F11R: variants seen among roughly 807,000 people sequenced by gnomAD.
F11R encodes junctional adhesion molecule A.
Under a neutral mutation model 39.3 loss-of-function variants are expected in F11R, and 27 were observed. The observed-to-expected ratio is 0.69, with a 90% CI of 0.51 to 0.95. The LOEUF is 0.95. Among genes scored for constraint, F11R ranks in the 40% least tolerant of loss-of-function variants. F11R has a pLI of 0.00. For synonymous variants in F11R, 131 were observed against 144.9 expected, an observed-to-expected ratio of 0.90 and a Z score of 0.69; for missense variants, 335 against 372.7, an observed-to-expected ratio of 0.90 and a Z score of 0.83.
chr1:161,008,783 CACTAT>C (rs1389729479), intron 1 of F11R, among the ~76,000 whole-genome samples: 2 of 152,182 alleles, frequency 1.3e-5, no homozygotes. Flanking sequence ...TACAATGCTA[CACTAT>C]ACTATACAGC....
At chr1:161,000,840 A>AG in intron 3 of F11R, 63 bp from the exon 4 acceptor site, 1 of 1,599,468 alleles carries the variant, frequency 6.3e-7, no homozygotes, top group South Asian at 1.1e-5. Flanking sequence ...AGGCTGATGA[A>AG]GGGGGCATCC....
Position 161,021,024 on chromosome 1 carries a change from A to C in F11R, c.50T>G (p.Leu17Trp). The C allele has an allele frequency of 1.2e-6, 2 of 1,614,154 alleles. No individual in the cohort carries two copies. The highest frequency in any genetic ancestry group is 2.2e-5 in the South Asian group (2 of 91,086). ...TGGGAACTTACACAACAGGATCGCC[A>C]ATATGAAGAGGCACAACAGTTTCCT... ...VERKLLCLFILAILLCSLALG... is the reference protein window; with the variant it reads ...VERKLLCLFIWAILLCSLALG... Residue 17 changes from leucine to tryptophan, a missense_variant, in exon 1 of 10, where the codon TTG becomes TGG. Leu to Trp is a moderately conservative substitution (Grantham distance 61). Transcript: ENST00000368026.
chr1:161,005,054 G>A (rs1451697193), intron 1 of F11R, among the ~76,000 whole-genome samples: 5 of 151,366 alleles, frequency 3.3e-5, no homozygotes, highest in South Asian at 4.2e-4. Context: ...CCAGCTACTC[G>A]GGAGGCTGAG....
chr1:160,999,677 A>G lies in F11R; in HGVS notation c.765T>C (p.Phe255=), dbSNP rs752908568. ...CTCGGCTATAGGCAAACCAGATGCC[A>G]AAAACCAAGATTCCCAGGAGAATCA... ...VTLILLGILV[F]GIWFAYSRGH... is the part of the protein sequence containing the mutation. Residue 255 remains phenylalanine (F), a synonymous_variant, in exon 7 of 10, where the codon TTT becomes TTC. Coordinates refer to ENST00000368026, the MANE Select transcript of F11R (RefSeq NM_016946.6). 1 of 1,614,110 alleles carries G rather than the reference A, an allele frequency of 6.2e-7. No individual in the cohort carries two copies. Among genetic ancestry groups the G allele is most frequent in the South Asian group, 1.1e-5 (1 of 91,066 alleles).
chr1:161,001,985 G>A (rs1264192087), intron 1 of F11R, among the ~76,000 whole-genome samples: 1 of 152,254 alleles, frequency 6.6e-6, no homozygotes, highest in East Asian at 1.9e-4. Context: ...CACAGCTGGG[G>A]CCAGGTGCGG....
intron 1 of F11R, among the ~76,000 whole-genome samples, chr1:161,010,422 T>G: frequency 9.3e-6 from 1 of 107,746 alleles, no homozygotes; most frequent in East Asian, 2.9e-4. Flanking sequence ...CCAGCCTGGG[T>G]GACAGAGCGA....
At position 161,000,345 on chromosome 1, in the gene F11R, G is replaced by A. The variant is rs775610398; in HGVS notation, c.392C>T (p.Pro131Leu). 1.9e-6 allele frequency: 3 copies of A among 1,613,678 alleles called. No individual in the cohort carries two copies. The South Asian group carries it at 3.3e-5, about 18-fold the overall frequency. ...GATGTTAACTGTAGGCTTGGATGGAGGCACTGTGGAAGAGAAAGACAGAAG... is the reference window on the plus strand; with the variant it reads ...GATGTTAACTGTAGGCTTGGATGGAAGCACTGTGGAAGAGAAAGACAGAAG... ...EVKVKLIVLV[P>L]PSKPTVNIPS... The change falls in exon 5 of 10, where the codon CCT becomes CTT. Residue 131 changes from proline (P) to leucine (L), a missense_variant. By Grantham distance (98) the Pro-to-Leu change is moderately conservative. Transcript: ENST00000368026.
chr1:161,005,064 G>A (rs1310105890), intron 1 of F11R, among the ~76,000 whole-genome samples: 1 of 151,390 alleles, frequency 6.6e-6, no homozygotes, highest in Admixed American at 6.6e-5. Context: ...GGGAGGCTGA[G>A]GCAGGAGAAT....
At chr1:161,018,540 C>T (rs1301473661) in intron 1 of F11R, among the ~76,000 whole-genome samples, 1 of 152,158 alleles carries the variant, frequency 6.6e-6, no homozygotes, top group Non-Finnish European at 1.5e-5. Context: ...AAAAATAATC[C>T]CTTCATGTAT....
intron 1 of F11R, among the ~76,000 whole-genome samples, chr1:161,013,822 C>T (rs1649300914): frequency 6.6e-6 from 1 of 152,142 alleles, no homozygotes; most frequent in Non-Finnish European, 1.5e-5. Context: ...ATTTCCGGTT[C>T]TACCTGCTCA....
chr1:160,996,299 T>G lies in F11R; in HGVS notation c.*2572A>C, dbSNP rs955920646. ...AAAGGTCCATTGTAAGCTAGAGAAG[T>G]AAATTCCAAGGCTGGCAATAACTGA... is the stretch of plus-strand genomic sequence containing the variant. On this transcript the variant is annotated 3_prime_UTR_variant, in exon 10 of 10. Coordinates refer to ENST00000368026, the MANE Select transcript of F11R (RefSeq NM_016946.6). 2 of 152,296 alleles carry G rather than the reference T, an allele frequency of 1.3e-5. No individual in the cohort carries two copies. The highest frequency in any genetic ancestry group is 4.8e-5 in the African/African-American group (2 of 41,426). The allele number at this position is 152,296 out of a possible 1,614,324, so 9.4% of individuals were successfully genotyped here. A position where few individuals can be genotyped will look rare whatever the true frequency, so the allele number is the denominator to read the frequency against.
intron 1 of F11R, among the ~76,000 whole-genome samples, chr1:161,007,760 AC>A (rs1311858051): frequency 6.6e-6 from 1 of 152,212 alleles, no homozygotes; most frequent in African/African-American, 2.4e-5. Flanking sequence ...GTTTTCTTCA[AC>A]AAGACATATA....
At chr1:161,000,911 C>A (rs1209602847) in intron 3 of F11R, 109 bp downstream of exon 3, 6 of 1,468,722 alleles carry the variant, frequency 4.1e-6, no homozygotes, top group Non-Finnish European at 5.7e-6. Context: ...ATGAGGACTT[C>A]AGCCCCAGGG....
chr1:160,999,769 T>C (rs1313049638), intron 6 of F11R, 22 bp from the exon 7 acceptor site: 1 of 1,612,658 alleles, frequency 6.2e-7, no homozygotes, highest in Non-Finnish European at 8.5e-7. Flanking sequence ...AAATAAGAAG[T>C]CAGGCACGGG....
chr1:161,007,472 G>GAA (rs80350610), intron 1 of F11R, among the ~76,000 whole-genome samples: 2 of 120,090 alleles, frequency 1.7e-5, no homozygotes, highest in Admixed American at 8.4e-5. Flanking sequence ...TCTCAGAAAA[G>GAA]AAAAAAAAAA....
In F11R at chr1:161,015,591, A is replaced by C. The variant is rs1571022221; in HGVS notation, c.64+5419T>G. Among the ~76,000 whole-genome samples, 5 of 21,846 alleles carry C rather than the reference A, an allele frequency of 2.3e-4. No individual in the cohort carries two copies. In the South Asian group the frequency reaches 5.3e-3, roughly 23 times the overall value. 14.3% of individuals were successfully genotyped at this position (21,846 alleles called of 152,430 possible). On this transcript the variant is annotated intron_variant, in intron 1 of 9. Transcript: ENST00000368026. ...GGGCAACACAGCAAGACTTTGTCTC[A>C]AAAAAAAAAAAAAAGGCTGCAGTGA... is the stretch of plus-strand genomic sequence containing the variant.
chr1:161,013,716 G>A (rs1207105322), intron 1 of F11R, among the ~76,000 whole-genome samples: 1 of 152,230 alleles, frequency 6.6e-6, no homozygotes, highest in Non-Finnish European at 1.5e-5. Context: ...ATGTCGATCA[G>A]CTGGCTCGGG....
At position 161,020,176 on chromosome 1, in the gene F11R, T is replaced by G. The variant is rs141686962; in HGVS notation, c.64+834A>C. 4.7e-3 allele frequency among the ~76,000 whole-genome samples: 722 copies of G among 152,286 alleles called. 6 individuals are homozygous for G. The highest frequency in any genetic ancestry group is 0.015 in the African/African-American group (619 of 41,572). ...ACAAACACATCTAGAGACAGAGGCA[T>G]GCCCTAGCAAGTGAGCCTCATTGTT... On this transcript the variant is annotated intron_variant, in intron 1 of 9. Coordinates refer to ENST00000368026, the MANE Select transcript of F11R (RefSeq NM_016946.6).
intron 1 of F11R, among the ~76,000 whole-genome samples, chr1:161,017,914 C>T (rs1399262789): frequency 1.3e-5 from 2 of 152,156 alleles, no homozygotes; most frequent in East Asian, 3.9e-4. Flanking sequence ...GACCCAGAAG[C>T]AGGGCAGCAG....
Sources: allele counts gnomAD v4.1 joint callset (sites outside exome capture counted in the v4.1 genomes callset), GRCh38; gene constraint gnomAD v4.1.1; transcripts MANE v1.5; gene names NCBI Gene and HGNC (gene_info 2026-07-23, HGNC 2026-07-21).